The following ST13 variants were observed in gnomAD, a reference collection of about 807,000 sequenced individuals.
ST13 encodes hsc70-interacting protein.
In ST13, 23 loss-of-function variants were observed where a neutral mutation model predicts 56.7. The ratio of observed to expected loss-of-function variants is 0.41; its 90% CI spans 0.29 to 0.57. The LOEUF is 0.57. Among genes scored for constraint, ST13 ranks in the 20% least tolerant of loss-of-function variants. ST13 has a pLI of 0.36. For missense variants in ST13, 369 were observed against 459.9 expected (o/e 0.80, Z 1.81); for synonymous variants, 132 against 142.4 (o/e 0.93, Z 0.52).
intron 1 of ST13, among the ~76,000 whole-genome samples, chr22:40,851,343 T>C (rs2057860378): frequency 6.6e-6 from 1 of 152,252 alleles, no homozygotes; most frequent in Admixed American, 6.5e-5. Context: ...GTTTGTGTCC[T>C]GTGACTGAGA....
chr22:40,826,573 T>C lies in ST13; in HGVS notation c.1075A>G (p.Ser359Gly). The change falls in exon 12 of 12, where the codon AGT becomes GGT. Residue 359 changes from serine to glycine, a missense_variant. Coordinates refer to ENST00000216218, the MANE Select transcript of ST13 (RefSeq NM_003932.5). ...CCTCCAAATTTGGCTGACAATTTACTGATGAGATTCATAACCTTTGGGTTG... is the reference window on the plus strand; with the variant it reads ...CCTCCAAATTTGGCTGACAATTTACCGATGAGATTCATAACCTTTGGGTTG... ...QSNPKVMNLI[S>G]KLSAKFGGQA is the part of the protein sequence containing the mutation. 2 of 1,600,580 alleles carry C rather than the reference T, an allele frequency of 1.2e-6. No individual in the cohort carries two copies. Among genetic ancestry groups the C allele is most frequent in the East Asian group, 2.2e-5 (1 of 44,864 alleles).
chr22:40,856,598 C>G lies in ST13; in HGVS notation c.-58G>C, dbSNP rs531561344. The G allele has an allele frequency of 1.0e-5, 15 of 1,474,090 alleles. No individual in the cohort carries two copies. In the African/African-American group the frequency reaches 1.9e-4, roughly 19 times the overall value. 91.3% of individuals were successfully genotyped at this position (1,474,090 alleles called of 1,614,324 possible). ...TACGGCCCGGTTCCAGGCCCAGGCG[C>G]TGGCTCGGCGTGACCGCGCAGAAGG... On this transcript the variant is annotated 5_prime_UTR_variant, in exon 1 of 12. Coordinates refer to ENST00000216218, the MANE Select transcript of ST13 (RefSeq NM_003932.5).
At chr22:40,851,422 T>A (rs1601474649) in intron 1 of ST13, among the ~76,000 whole-genome samples, 2 of 152,306 alleles carry the variant, frequency 1.3e-5, no homozygotes, top group South Asian at 4.1e-4. Context: ...TATACACCCC[T>A]CCCAACCTCA....
chr22:40,848,312 T>C lies in ST13; in HGVS notation c.226A>G (p.Ser76Gly). Residue 76 changes from serine (S) to glycine (G), a missense_variant, in exon 3 of 12, where the codon AGT (serine) becomes GGT (glycine). Around this residue, in one of 3 missense-constraint regions of ST13, gnomAD observed 169 missense variants for 175.6 expected, o/e 0.96. Transcript: ENST00000216218. ...TCCTCACCTAGATCACTTTCCTCAC[T>C]TGATGGTTCGTCTGCCTTTAAGTCT... ...EEDLKADEPS[S>G]EESDLEIDKE... 6.2e-7 allele frequency: 1 copy of C among 1,613,490 alleles called. No individual in the cohort carries two copies. Among genetic ancestry groups the C allele is most frequent in the Non-Finnish European group, 8.5e-7 (1 of 1,179,528 alleles).
intron 1 of ST13, among the ~76,000 whole-genome samples, chr22:40,855,067 C>A (rs867119582): frequency 1.3e-5 from 2 of 152,160 alleles, no homozygotes; most frequent in Admixed American, 6.5e-5. Flanking sequence ...CAACATACAA[C>A]GCTGACAGAT....
chr22:40,856,424 G>C lies in ST13; in HGVS notation c.110+7C>G, dbSNP rs761479275. 1 of 1,611,024 alleles carries C rather than the reference G, an allele frequency of 6.2e-7. No homozygotes were observed. The highest frequency in any genetic ancestry group is 1.1e-5 in the South Asian group (1 of 91,014). On this transcript the variant is annotated splice_region_variant and intron_variant, in intron 1 of 11. Coordinates refer to ENST00000216218, the MANE Select transcript of ST13 (RefSeq NM_003932.5). Reference sequence around the variant, plus strand: ...CGCCCCCAACGGTCCTCAGGCCTGGGTCTCACCTCTCCACCCACTCCCTCA... The same window carrying C: ...CGCCCCCAACGGTCCTCAGGCCTGGCTCTCACCTCTCCACCCACTCCCTCA...
chr22:40,856,279 A>G (rs936448993), intron 1 of ST13, 152 bp downstream of exon 1: 1 of 667,254 alleles, frequency 1.5e-6, no homozygotes, highest in African/African-American at 1.8e-5. Flanking sequence ...AAGGCTCGCG[A>G]TCTTCCATGA....
intron 1 of ST13, among the ~76,000 whole-genome samples, chr22:40,851,565 G>A (rs1569005833): frequency 6.6e-6 from 1 of 152,122 alleles, no homozygotes; most frequent in Non-Finnish European, 1.5e-5. Flanking sequence ...ATTTGGTGCA[G>A]ACCCTATAGT....
Position 40,852,376 on chromosome 22 carries a change from A to G in ST13, c.111-1496T>C, listed in dbSNP as rs537203265. Among the ~76,000 whole-genome samples, 3 of 152,270 alleles carry G rather than the reference A, an allele frequency of 2.0e-5. No homozygotes were observed. In the East Asian group the frequency reaches 5.8e-4, roughly 29 times the overall value. ...CAACTCTCATCCAGCTTTCTAATAG[A>G]TTGTCCTTCTTTATTTGAAGGTGTT... On this transcript the variant is annotated intron_variant, in intron 1 of 11. Transcript: ENST00000216218.
intron 3 of ST13, among the ~76,000 whole-genome samples, chr22:40,847,213 C>T (rs922372505): frequency 2.6e-5 from 4 of 152,024 alleles, no homozygotes; most frequent in African/African-American, 9.7e-5. Flanking sequence ...TAAACAAATA[C>T]TATTTTTTGG....
At chr22:40,851,124 TA>T (rs1305747248) in intron 1 of ST13, among the ~76,000 whole-genome samples, 2 of 151,964 alleles carry the variant, frequency 1.3e-5, no homozygotes, top group African/African-American at 4.9e-5. Context: ...CAAATAAACA[TA>T]ATGTATAGCT....
intron 5 of ST13, among the ~76,000 whole-genome samples, chr22:40,839,130 T>C (rs1218737525): frequency 4.6e-5 from 7 of 152,046 alleles, no homozygotes; most frequent in Non-Finnish European, 1.5e-5. Flanking sequence ...AAGGAATAAA[T>C]TTTTCAGGAA....
At chr22:40,848,988 T>C (rs938495580) in intron 2 of ST13, among the ~76,000 whole-genome samples, 1 of 152,206 alleles carries the variant, frequency 6.6e-6, no homozygotes, top group African/African-American at 2.4e-5. Context: ...TCCCATCCTA[T>C]AAATAACCAG....
chr22:40,850,486 TA>T (rs1382077976), intron 2 of ST13, among the ~76,000 whole-genome samples: 2 of 152,004 alleles, frequency 1.3e-5, no homozygotes, highest in Non-Finnish European at 2.9e-5. Flanking sequence ...AAATAATAAA[TA>T]AAGTACCTAC....
chr22:40,838,599 CAAAAA>C (rs530979962), intron 5 of ST13, among the ~76,000 whole-genome samples: 1 of 133,032 alleles, frequency 7.5e-6, no homozygotes, highest in Non-Finnish European at 1.6e-5. Context: ...CTATCTCTAC[CAAAAA>C]AAAAAAAAAG....
At chr22:40,841,539 C>T (rs1485848031) in intron 4 of ST13, among the ~76,000 whole-genome samples, 1 of 151,564 alleles carries the variant, frequency 6.6e-6, no homozygotes, top group African/African-American at 2.4e-5. Flanking sequence ...AGTTCAAGAC[C>T]AACCTGGGCA....
At chr22:40,838,546 G>A (rs1334703260) in intron 5 of ST13, among the ~76,000 whole-genome samples, 2 of 151,650 alleles carry the variant, frequency 1.3e-5, no homozygotes, top group Non-Finnish European at 2.9e-5. Context: ...AGGCCTGCTT[G>A]AGGGCAGGAG....
At chr22:40,847,940 G>A (rs561400867) in intron 3 of ST13, among the ~76,000 whole-genome samples, 34 of 151,998 alleles carry the variant, frequency 2.2e-4, no homozygotes, top group Middle Eastern at 6.8e-3. Context: ...CCAGTTACTC[G>A]GGAGGCTCAG....
intron 7 of ST13, among the ~76,000 whole-genome samples, chr22:40,834,016 C>T (rs2057766068): frequency 6.6e-6 from 1 of 152,130 alleles, no homozygotes; most frequent in Non-Finnish European, 1.5e-5. Flanking sequence ...TTGGGTCACA[C>T]CTGTAATCCC....
Sources: allele counts gnomAD v4.1 joint callset (sites outside exome capture counted in the v4.1 genomes callset), GRCh38; gene constraint gnomAD v4.1.1; regional missense constraint gnomAD v4.1.1; transcripts MANE v1.5; gene names NCBI Gene and HGNC (gene_info 2026-07-23, HGNC 2026-07-21).